Variants in VOPP1 observed in about 807,000 individuals in gnomAD.
The protein encoded by VOPP1 is WW domain binding protein VOPP1.
Under a neutral mutation model 23.5 loss-of-function variants are expected in VOPP1, and 8 were observed. That is an observed-to-expected ratio of 0.34 (90% confidence interval 0.20 to 0.61). The LOEUF (loss-of-function observed/expected upper bound fraction) is 0.61, where lower values mean the gene tolerates loss of function less well. VOPP1 is among the 20% of genes least tolerant of loss of function. The pLI is 0.78. For missense variants in VOPP1, 174 were observed against 238.1 expected (o/e 0.73, Z 1.77); for synonymous variants, 83 against 97.3 (o/e 0.85, Z 0.86).
At chr7:55,443,565 C>T (rs1201335960) in intron 4 of VOPP1, among the ~76,000 whole-genome samples, 4 of 151,402 alleles carry the variant, frequency 2.6e-5, no homozygotes, top group Non-Finnish European at 5.9e-5. Context: ...AAAAACAAAA[C>T]AAAACCAAAC....
At chr7:55,521,440 AT>A in intron 1 of VOPP1, 2 of 762,138 alleles carry the variant, frequency 2.6e-6, no homozygotes, top group Non-Finnish European at 3.4e-6. Flanking sequence ...GATACTTCAG[AT>A]TACAAAAGAA....
chr7:55,536,798 G>A (rs140835548), intron 1 of VOPP1, among the ~76,000 whole-genome samples: 6 of 152,174 alleles, frequency 3.9e-5, no homozygotes, highest in Non-Finnish European at 2.9e-5. Context: ...CTCAGGCAGC[G>A]CATCTGCCAC....
chr7:55,572,476 C>T lies in VOPP1; in HGVS notation c.-152G>A, dbSNP rs1798404526. On this transcript the variant is annotated 5_prime_UTR_variant, in exon 1 of 5. Coordinates refer to ENST00000285279, the MANE Select transcript of VOPP1 (RefSeq NM_030796.5). The stretch of plus-strand genomic sequence containing the variant: ...GGCTGGGAGCGGGCGGGAGCCGGGG[C>T]GCGCCGCGCAGCCCTGGCTGCGCTC... 1 of 353,782 alleles carries T rather than the reference C, an allele frequency of 2.8e-6. No individual in the cohort carries two copies. Among genetic ancestry groups the T allele is most frequent in the Admixed American group, 6.7e-5 (1 of 14,872 alleles). 21.9% of individuals were successfully genotyped at this position (353,782 alleles called of 1,614,324 possible). A position where few individuals can be genotyped will look rare whatever the true frequency, so the allele number is the denominator to read the frequency against.
intron 1 of VOPP1, among the ~76,000 whole-genome samples, chr7:55,530,124 C>T (rs1454541641): frequency 2.0e-5 from 3 of 152,062 alleles, no homozygotes; most frequent in African/African-American, 2.4e-5. Flanking sequence ...AGTGGAACTT[C>T]CAGGTCACAC....
intron 2 of VOPP1, among the ~76,000 whole-genome samples, chr7:55,511,675 A>G (rs186976607): frequency 3.3e-5 from 5 of 152,334 alleles, no homozygotes; most frequent in East Asian, 3.9e-4. Flanking sequence ...CAGAAACTCA[A>G]AAGAATGCAA....
At chr7:55,494,489 C>T (rs1433638838) in intron 3 of VOPP1, among the ~76,000 whole-genome samples, 1 of 152,090 alleles carries the variant, frequency 6.6e-6, no homozygotes, top group East Asian at 1.9e-4. Context: ...TGTTTTTCTA[C>T]ACAAAAGGAA....
At chr7:55,465,828 C>G (rs111538503), downstream of VOPP1, among the ~76,000 whole-genome samples, 1,827 of 152,312 alleles carry the variant, frequency 0.012, 13 homozygotes, top group Admixed American at 0.021. Flanking sequence ...ACCAGCAATG[C>G]ACAGTTAGGT....
intron 4 of VOPP1, among the ~76,000 whole-genome samples, chr7:55,460,996 A>G (rs1254676103): frequency 1.3e-5 from 2 of 151,932 alleles, no homozygotes; most frequent in East Asian, 3.8e-4. Flanking sequence ...TTATATATAC[A>G]TATATTATAT....
At chr7:55,514,670 T>C (rs760917344) in intron 2 of VOPP1, among the ~76,000 whole-genome samples, 92 of 152,240 alleles carry the variant, frequency 6.0e-4, no homozygotes, top group Non-Finnish European at 1.2e-3. Context: ...GGAAGGAGCA[T>C]GGTACCCATG....
chr7:55,535,710 T>C (rs1796745346), intron 1 of VOPP1, among the ~76,000 whole-genome samples: 1 of 152,206 alleles, frequency 6.6e-6, no homozygotes, highest in African/African-American at 2.4e-5. Flanking sequence ...TAAATTTAAC[T>C]CTCAGCACTT....
chr7:55,546,712 C>T (rs1257694353), intron 1 of VOPP1, among the ~76,000 whole-genome samples: 1 of 152,174 alleles, frequency 6.6e-6, no homozygotes, highest in Non-Finnish European at 1.5e-5. Flanking sequence ...TGCTCCCCCG[C>T]CAAGAAATAA....
rs530980603 is a variant in VOPP1, at chr7:55,464,503, C to T, written n.417+27779G>A. Reference sequence around the variant, plus strand: ...TGGGGGATGGGGTTGCTGTCAATGGCGTGGCCCAACCCAGGCAGCTCTCAG... The same window carrying T: ...TGGGGGATGGGGTTGCTGTCAATGGTGTGGCCCAACCCAGGCAGCTCTCAG... On this transcript the variant is annotated intron_variant and non_coding_transcript_variant, in intron 4 of 4. Transcript: ENST00000462326. 2.6e-5 allele frequency among the ~76,000 whole-genome samples: 4 copies of T among 152,274 alleles called. No individual in the cohort carries two copies. The East Asian group carries it at 5.8e-4, about 22-fold the overall frequency.
At chr7:55,537,709 T>C in intron 1 of VOPP1, 1 of 1,426,776 alleles carries the variant, frequency 7.0e-7, no homozygotes, top group East Asian at 2.5e-5. Flanking sequence ...TGGAGGACGC[T>C]ACAAGGATTC....
At chr7:55,516,079 A>G (rs1025838367) in intron 2 of VOPP1, 26 of 903,804 alleles carry the variant, frequency 2.9e-5, no homozygotes, top group Non-Finnish European at 3.4e-5. Context: ...GGAGCTGCTG[A>G]GGCCACACAG....
At chr7:55,520,284 T>C (rs1038241114) in intron 2 of VOPP1, among the ~76,000 whole-genome samples, 1 of 152,224 alleles carries the variant, frequency 6.6e-6, no homozygotes, top group Non-Finnish European at 1.5e-5. Context: ...GCCTGAGGAA[T>C]CTCAGGTTTT....
downstream of VOPP1, among the ~76,000 whole-genome samples, chr7:55,469,959 C>T (rs1472290053): frequency 2.0e-5 from 3 of 152,226 alleles, no homozygotes; most frequent in East Asian, 3.9e-4. Context: ...GTGGGAGGAT[C>T]GCTTGAGCCT....
At chr7:55,452,935 T>A (rs1562881942) in intron 4 of VOPP1, among the ~76,000 whole-genome samples, 1 of 152,248 alleles carries the variant, frequency 6.6e-6, no homozygotes, top group Non-Finnish European at 1.5e-5. Context: ...AGCCCCTAAC[T>A]AGAGGGTTAG....
At chr7:55,512,112 A>G (rs1408779418) in intron 2 of VOPP1, among the ~76,000 whole-genome samples, 2 of 152,232 alleles carry the variant, frequency 1.3e-5, no homozygotes, top group Non-Finnish European at 2.9e-5. Flanking sequence ...TTAGAAGCAT[A>G]GTCACAATGT....
chr7:55,464,229 C>T (rs1791578359), intron 4 of VOPP1, among the ~76,000 whole-genome samples: 1 of 152,164 alleles, frequency 6.6e-6, no homozygotes, highest in South Asian at 2.1e-4. Context: ...ATCCCATGGT[C>T]ACCTTAACAA....
Sources: allele counts gnomAD v4.1 joint callset (sites outside exome capture counted in the v4.1 genomes callset), GRCh38; gene constraint gnomAD v4.1.1; transcripts MANE v1.5; gene names NCBI Gene and HGNC (gene_info 2026-07-23, HGNC 2026-07-21).